C4orf33: variants seen among roughly 807,000 people sequenced by gnomAD.
C4orf33 encodes UPF0462 protein C4orf33.
A neutral mutation model predicts 24.3 loss-of-function variants in C4orf33; 20 were observed. The ratio of observed to expected loss-of-function variants is 0.82; its 90% CI spans 0.58 to 1.19. The LOEUF (loss-of-function observed/expected upper bound fraction) is 1.19. Ranked by LOEUF, C4orf33 falls within the 50% of genes most tolerant of loss-of-function variation. C4orf33 has a pLI of 0.00. For missense variants in C4orf33, 207 were observed against 225.9 expected, an observed-to-expected ratio of 0.92 and a Z score of 0.54; for synonymous variants, 67 against 76.4, an observed-to-expected ratio of 0.88 and a Z score of 0.64.
In C4orf33 at chr4:129,102,738, C is replaced by T; in HGVS notation, c.128C>T (p.Pro43Leu). The change falls in exon 2 of 6, where the codon CCA (proline) becomes CTA (leucine). Residue 43 changes from proline to leucine, a missense_variant. Pro to Leu is a moderately conservative substitution (Grantham distance 98). Coordinates refer to ENST00000425929, the MANE Select transcript of C4orf33 (RefSeq NM_001099783.2). Reference protein sequence around the residue: ...DISAPFFRDPPAPLGEPGKPF... With the variant: ...DISAPFFRDPLAPLGEPGKPF... ...AGTGCTCCATTTTTCAGGGATCCTC[C>T]AGCCCCACTTGGAGAACCAGGAAAA... 1 of 1,614,042 alleles carries T rather than the reference C, an allele frequency of 6.2e-7. No individual in the cohort carries two copies. Among genetic ancestry groups the T allele is most frequent in the Non-Finnish European group, 8.5e-7 (1 of 1,179,974 alleles).
Position 129,114,234 on chromosome 4 carries a change from T to A in C4orf33, c.*2443T>A, listed in dbSNP as rs182505901. ...ATTCTCTCACATGAACTACCCGGGA[T>A]GTGTGAAGGGACTAAAACACCCCAT... On this transcript the variant is annotated 3_prime_UTR_variant, in exon 6 of 6. Transcript: ENST00000425929. The A allele has an allele frequency of 6.6e-6, 1 of 152,198 alleles. No individual in the cohort carries two copies. The highest frequency in any genetic ancestry group is 1.5e-5 in the Non-Finnish European group (1 of 68,010). 9.4% of individuals were successfully genotyped at this position (152,198 alleles called of 1,614,324 possible).
chr4:129,096,299 G>C (rs554111346), intron 1 of C4orf33, 90 bp downstream of exon 1: 3 of 152,198 alleles, frequency 2.0e-5, no homozygotes, highest in African/African-American at 7.2e-5. Flanking sequence ...GGAAAATACT[G>C]AAAAGTATTT....
At chr4:129,105,696 A>G (rs1351369593) in intron 2 of C4orf33, among the ~76,000 whole-genome samples, 2 of 152,202 alleles carry the variant, frequency 1.3e-5, no homozygotes, top group Non-Finnish European at 2.9e-5. Flanking sequence ...ATGTAGAAGC[A>G]TAGAAAAGGT....
At chr4:129,105,539 CT>C (rs1447332975) in intron 2 of C4orf33, among the ~76,000 whole-genome samples, 3 of 152,094 alleles carry the variant, frequency 2.0e-5, no homozygotes, top group African/African-American at 7.2e-5. Flanking sequence ...CTCTGAATTG[CT>C]GGCAGAATTA....
At chr4:129,111,208 G>C (rs199647145) in intron 5 of C4orf33, among the ~76,000 whole-genome samples, 5 of 152,272 alleles carry the variant, frequency 3.3e-5, no homozygotes, top group African/African-American at 1.2e-4. Flanking sequence ...GGTTTTCCTC[G>C]AAAGAAAAGA....
intron 1 of C4orf33, chr4:129,102,327 T>C (rs1753380337): frequency 3.9e-6 from 1 of 253,214 alleles, no homozygotes. Context: ...AGGTCGATAG[T>C]GTTTCTATGG....
In C4orf33 at chr4:129,105,498, T is replaced by C. The variant is rs2125802140; in HGVS notation, c.182-1089T>C. On this transcript the variant is annotated intron_variant, in intron 2 of 5. Transcript: ENST00000425929. ...CACAGTAGACATTCTAATTTGTCTATATAAAAGATTTAAAAAGGGACAATA... is the reference window on the plus strand; with the variant it reads ...CACAGTAGACATTCTAATTTGTCTACATAAAAGATTTAAAAAGGGACAATA... 2.0e-5 allele frequency among the ~76,000 whole-genome samples: 3 copies of C among 152,322 alleles called. 1 individual carries two copies. The South Asian group carries it at 6.2e-4, about 32-fold the overall frequency.
chr4:129,102,746 C>A lies in C4orf33; in HGVS notation c.136C>A (p.Leu46Ile). 6.2e-7 allele frequency: 1 copy of A among 1,613,934 alleles called. No individual in the cohort carries two copies. The highest frequency in any genetic ancestry group is 1.1e-5 in the South Asian group (1 of 91,020). Residue 46 changes from leucine to isoleucine, a missense_variant, in exon 2 of 6, where the codon CTT becomes ATT. Transcript: ENST00000425929. ...APFFRDPPAP[L>I]GEPGKPFNEL... ...ATTTTTCAGGGATCCTCCAGCCCCA[C>A]TTGGAGAACCAGGAAAACCTTTCAA...
At chr4:129,110,329 G>A (rs937663213) in intron 5 of C4orf33, among the ~76,000 whole-genome samples, 4 of 152,176 alleles carry the variant, frequency 2.6e-5, no homozygotes, top group Non-Finnish European at 5.9e-5. Context: ...GGGGCAGCAG[G>A]CATTTGAGCC....
rs563281664 is a variant in C4orf33, at chr4:129,114,272, G to C, written c.*2481G>C. On this transcript the variant is annotated 3_prime_UTR_variant, in exon 6 of 6. Coordinates refer to ENST00000425929, the MANE Select transcript of C4orf33 (RefSeq NM_001099783.2). ...TAAAACACCCCATGGGGCACCTCTT[G>C]ACCAAAGAGGGTGGGAGTTGATGGA... is the stretch of plus-strand genomic sequence containing the variant. The C allele has an allele frequency of 6.6e-6, 1 of 152,276 alleles. No individual in the cohort carries two copies. The highest frequency in any genetic ancestry group is 2.4e-5 in the African/African-American group (1 of 41,556). 9.4% of individuals were successfully genotyped at this position (152,276 alleles called of 1,614,324 possible).
Position 129,112,139 on chromosome 4 carries a change from T to A in C4orf33, c.*348T>A, listed in dbSNP as rs753325133. 6 of 163,970 alleles carry A rather than the reference T, an allele frequency of 3.7e-5. No individual in the cohort carries two copies. The highest frequency in any genetic ancestry group is 7.9e-5 in the Non-Finnish European group (6 of 75,910). The allele number at this position is 163,970 out of a possible 1,614,324, so 10.2% of individuals were successfully genotyped here. ...TAGAGGACTGTCTTGCACTACCTTG[T>A]GATTCAACCATTTCATTCCTAGATA... On this transcript the variant is annotated 3_prime_UTR_variant, in exon 6 of 6. Coordinates refer to ENST00000425929, the MANE Select transcript of C4orf33 (RefSeq NM_001099783.2).
chr4:129,111,937 A>C lies in C4orf33; in HGVS notation c.*146A>C, dbSNP rs1441886009. 1 of 532,844 alleles carries C rather than the reference A, an allele frequency of 1.9e-6. No individual in the cohort carries two copies. The highest frequency in any genetic ancestry group is 3.4e-6 in the Non-Finnish European group (1 of 295,360). The allele number at this position is 532,844 out of a possible 1,614,324, so 33.0% of individuals were successfully genotyped here. The stretch of plus-strand genomic sequence containing the variant: ...TCACTGAAAATATAGTATCTGTGGC[A>C]AATTGTATATGATTAACAAGAAAAT... On this transcript the variant is annotated 3_prime_UTR_variant, in exon 6 of 6. Transcript: ENST00000425929.
At chr4:129,099,317 G>A (rs1753286576) in intron 1 of C4orf33, among the ~76,000 whole-genome samples, 1 of 152,086 alleles carries the variant, frequency 6.6e-6, no homozygotes, top group Non-Finnish European at 1.5e-5. Flanking sequence ...CCAGCACCTG[G>A]TATGGTACCT....
chr4:129,105,825 C>G (rs1753500657), intron 2 of C4orf33, among the ~76,000 whole-genome samples: 2 of 151,944 alleles, frequency 1.3e-5, no homozygotes, highest in South Asian at 4.1e-4. Context: ...TTAAAAATAG[C>G]AATATTCAGA....
At chr4:129,099,343 C>A (rs1753287447) in intron 1 of C4orf33, among the ~76,000 whole-genome samples, 2 of 152,058 alleles carry the variant, frequency 1.3e-5, no homozygotes, top group Non-Finnish European at 2.9e-5. Context: ...AAGATGAGTG[C>A]TTAATAAATG....
At chr4:129,106,302 C>A (rs139846575) in intron 2 of C4orf33, among the ~76,000 whole-genome samples, 10 of 152,108 alleles carry the variant, frequency 6.6e-5, no homozygotes, top group African/African-American at 2.2e-4. Flanking sequence ...AGATAACTGG[C>A]TCAAAGTTTA....
intron 1 of C4orf33, among the ~76,000 whole-genome samples, chr4:129,098,603 A>G (rs557850331): frequency 1.3e-5 from 2 of 152,368 alleles, no homozygotes; most frequent in Non-Finnish European, 2.9e-5. Context: ...TCTTGGCTTC[A>G]TGCAGGAAAG....
rs72927936 is a variant in C4orf33, at chr4:129,110,096, C to A, written c.494+424C>A. On this transcript the variant is annotated intron_variant, in intron 5 of 5. Transcript: ENST00000425929. ...CTCTCTAGTTCTCCTCTTCTGGTAA[C>A]CTCATAAGGATAAAAATATCAACTA... The A allele has an allele frequency of 5.6e-6, 4 of 714,470 alleles. No individual in the cohort carries two copies. In the East Asian group the frequency reaches 3.7e-4, roughly 67 times the overall value. The allele number at this position is 714,470 out of a possible 1,614,324, so 44.3% of individuals were successfully genotyped here.
At chr4:129,107,017 G>A (rs1753540169) in intron 3 of C4orf33, among the ~76,000 whole-genome samples, 1 of 151,844 alleles carries the variant, frequency 6.6e-6, no homozygotes, top group South Asian at 2.1e-4. Flanking sequence ...GGAAATAAAA[G>A]GAGAGATATG....
Sources: gnomAD v4.1 joint callset for allele counts (sites outside exome capture counted in the v4.1 genomes callset) on GRCh38, gnomAD v4.1.1 for gene constraint, MANE v1.5 for transcripts, NCBI Gene and HGNC (gene_info 2026-07-23, HGNC 2026-07-21) for gene names.